Variants in CSRNP3 observed in about 807,000 individuals in gnomAD.
CSRNP3 encodes the protein cysteine/serine-rich nuclear protein 3.
Under a neutral mutation model 48.0 loss-of-function variants are expected in CSRNP3, and 12 were observed. The ratio of observed to expected loss-of-function variants is 0.25; its 90% CI spans 0.16 to 0.41. CSRNP3 has a LOEUF of 0.41. CSRNP3 is among the 10% of genes least tolerant of loss of function. CSRNP3 has a pLI of 1.00. For synonymous variants in CSRNP3, 263 were observed against 269.7 expected (o/e 0.98, Z 0.24); for missense variants, 580 against 724.4 (o/e 0.80, Z 2.29).
rs923410897 is a variant in CSRNP3, at chr2:165,597,354, T to C, written c.148+2141T>C. Among the ~76,000 whole-genome samples the C allele has an allele frequency of 2.0e-5, 3 of 152,130 alleles. No individual in the cohort carries two copies. The East Asian group carries it at 5.8e-4, about 29-fold the overall frequency. On this transcript the variant is annotated intron_variant, in intron 4 of 6. Coordinates refer to ENST00000651982, the MANE Select transcript of CSRNP3 (RefSeq NM_001172173.2). ...ATGTTATATATGAAAATTTTATATA[T>C]AAGAAGAAAACATTATAAGATAATG...
intron 4 of CSRNP3, among the ~76,000 whole-genome samples, chr2:165,649,800 C>T (rs1686875372): frequency 6.6e-6 from 1 of 152,078 alleles, no homozygotes; most frequent in Non-Finnish European, 1.5e-5. Context: ...ACTTGTTGTC[C>T]TTTAGGTACA....
At chr2:165,602,944 G>A (rs1005973409) in intron 4 of CSRNP3, among the ~76,000 whole-genome samples, 3 of 151,678 alleles carry the variant, frequency 2.0e-5, no homozygotes, top group Admixed American at 2.0e-4. Flanking sequence ...GCCCAGGCTG[G>A]AGTGCAGTGG....
At chr2:165,658,157 C>CA (rs1181258670) in intron 5 of CSRNP3, 137 bp downstream of exon 5, 1 of 941,110 alleles carries the variant, frequency 1.1e-6, no homozygotes, top group East Asian at 2.7e-5. Context: ...TTTTTTAAAG[C>CA]AAAACGATAT....
chr2:165,609,328 G>A (rs573656995), intron 4 of CSRNP3, among the ~76,000 whole-genome samples: 1 of 151,018 alleles, frequency 6.6e-6, no homozygotes, highest in African/African-American at 2.4e-5. Context: ...GCACGGTGGC[G>A]GGCGCTTGTA....
chr2:165,575,595 C>A (rs578170261), intron 3 of CSRNP3, among the ~76,000 whole-genome samples: 2 of 152,120 alleles, frequency 1.3e-5, no homozygotes, highest in Admixed American at 6.5e-5. Context: ...TAATTACTTT[C>A]TTTGCCCTGA....
chr2:165,526,150 G>A (rs911526050), intron 3 of CSRNP3, among the ~76,000 whole-genome samples: 10 of 152,094 alleles, frequency 6.6e-5, no homozygotes, highest in Non-Finnish European at 1.3e-4. Context: ...TTTACAGTAA[G>A]TCTTGAAATC....
chr2:165,601,968 C>T (rs1032961030), intron 4 of CSRNP3, among the ~76,000 whole-genome samples: 3 of 152,134 alleles, frequency 2.0e-5, no homozygotes, highest in African/African-American at 7.2e-5. Context: ...GAGCTAGGAC[C>T]TTTCAAACCT....
chr2:165,689,336 A>C lies in CSRNP3; in HGVS notation c.*9583A>C, dbSNP rs184351143. On this transcript the variant is annotated 3_prime_UTR_variant, in exon 7 of 7. Transcript: ENST00000651982. ...ATTAGTGGCACTTGTATTATGCTGT[A>C]CTTTTTATTACATATTGTACAATAT... The C allele has an allele frequency of 6.6e-6, 1 of 152,236 alleles. No homozygotes were observed. The highest frequency in any genetic ancestry group is 1.9e-4 in the East Asian group (1 of 5,178). The allele number at this position is 152,236 out of a possible 1,614,324, so 9.4% of individuals were successfully genotyped here. A position where few individuals can be genotyped will look rare whatever the true frequency, so the allele number is the denominator to read the frequency against.
chr2:165,542,853 G>C (rs1001534309), intron 3 of CSRNP3, among the ~76,000 whole-genome samples: 1 of 152,126 alleles, frequency 6.6e-6, no homozygotes, highest in Non-Finnish European at 1.5e-5. Flanking sequence ...ACACGATTAT[G>C]TAGGAATATT....
intron 1 of CSRNP3, among the ~76,000 whole-genome samples, chr2:165,474,180 T>G (rs1042158487): frequency 6.6e-6 from 1 of 152,048 alleles, no homozygotes; most frequent in Non-Finnish European, 1.5e-5. Context: ...CACTATCAAA[T>G]GTAGTTTTTA....
chr2:165,631,365 G>A (rs773992408), intron 4 of CSRNP3, among the ~76,000 whole-genome samples: 3 of 152,186 alleles, frequency 2.0e-5, no homozygotes, highest in African/African-American at 7.2e-5. Flanking sequence ...GCCAATGAAG[G>A]CGTTTTTATA....
chr2:165,494,205 C>G (rs556484817), intron 1 of CSRNP3, among the ~76,000 whole-genome samples: 128 of 152,202 alleles, frequency 8.4e-4, no homozygotes, highest in African/African-American at 2.6e-3. Context: ...GCTAAACTGA[C>G]TGGAAACATG....
Position 165,677,166 on chromosome 2 carries a change from G to A in CSRNP3, c.705+558G>A, listed in dbSNP as rs561643837. Among the ~76,000 whole-genome samples, 40 of 152,326 alleles carry A rather than the reference G, an allele frequency of 2.6e-4. No individual in the cohort carries two copies. The South Asian group carries it at 7.0e-3, about 27-fold the overall frequency. On this transcript the variant is annotated intron_variant, in intron 6 of 6. Transcript: ENST00000651982. ...AAGGAACCGAACTAGGTCAGGGGTTGGCACCCTATAAGTTCACAGGCCAAA... is the reference window on the plus strand; with the variant it reads ...AAGGAACCGAACTAGGTCAGGGGTTAGCACCCTATAAGTTCACAGGCCAAA...
chr2:165,475,646 A>G (rs1683951236), intron 1 of CSRNP3, among the ~76,000 whole-genome samples: 5 of 152,216 alleles, frequency 3.3e-5, no homozygotes, highest in Admixed American at 3.3e-4. Flanking sequence ...TGAATAATTA[A>G]GCAAATTGTC....
At chr2:165,577,706 T>C (rs1685475481) in intron 3 of CSRNP3, among the ~76,000 whole-genome samples, 2 of 151,812 alleles carry the variant, frequency 1.3e-5, no homozygotes, top group Non-Finnish European at 2.9e-5. Flanking sequence ...ATGCTTTTTA[T>C]AATTTTATTG....
At chr2:165,480,781 T>TAA (rs1281217354) in intron 1 of CSRNP3, among the ~76,000 whole-genome samples, 1,455 of 134,892 alleles carry the variant, frequency 0.011, 20 homozygotes, top group African/African-American at 0.031. Flanking sequence ...ATTTTATATA[T>TAA]TATATATATA....
chr2:165,520,690 G>GTATCTATC (rs66559803), intron 3 of CSRNP3, among the ~76,000 whole-genome samples: 1 of 139,956 alleles, frequency 7.1e-6, no homozygotes, highest in Non-Finnish European at 1.5e-5. Context: ...GGCTCTCTCT[G>GTATCTATC]TATCTATCTA....
At chr2:165,525,470 CT>C (rs997025528) in intron 3 of CSRNP3, among the ~76,000 whole-genome samples, 1 of 147,574 alleles carries the variant, frequency 6.8e-6, no homozygotes, top group East Asian at 2.0e-4. Flanking sequence ...TTATATATTT[CT>C]TTTTTTTCTT....
chr2:165,625,002 T>C (rs1686406130), intron 4 of CSRNP3, among the ~76,000 whole-genome samples: 1 of 152,168 alleles, frequency 6.6e-6, no homozygotes, highest in South Asian at 2.1e-4. Context: ...CTCAGATATA[T>C]GTGCCACATT....
Sources: gnomAD v4.1 joint callset for allele counts (sites outside exome capture counted in the v4.1 genomes callset) on GRCh38, gnomAD v4.1.1 for gene constraint, MANE v1.5 for transcripts, NCBI Gene and HGNC (gene_info 2026-07-23, HGNC 2026-07-21) for gene names.